The following CRB1 variants were observed in gnomAD, a reference collection of about 807,000 sequenced individuals.
CRB1 encodes crumbs cell polarity complex component 1.
CRB1 carries 83 observed loss-of-function variants against 120.0 expected under a neutral mutation model. That is an observed-to-expected ratio of 0.69 (90% confidence interval 0.58 to 0.83). The LOEUF (loss-of-function observed/expected upper bound fraction) is 0.83, where lower values mean the gene tolerates loss of function less well. Among genes scored for constraint, CRB1 ranks in the 40% least tolerant of loss-of-function variants. The pLI is 0.00. For missense variants in CRB1, 1,699 were observed against 1,687.6 expected (o/e 1.01, Z -0.12); for synonymous variants, 625 against 612.5 (o/e 1.02, Z -0.30).
At chr1:197,385,738 T>C (rs147753531) in intron 5 of CRB1, among the ~76,000 whole-genome samples, 13 of 152,214 alleles carry the variant, frequency 8.5e-5, no homozygotes, top group Non-Finnish European at 1.6e-4. Context: ...GCAGGTATAC[T>C]GAACGCCTCA....
chr1:197,314,440 C>T (rs1020629567), intron 1 of CRB1, among the ~76,000 whole-genome samples: 1 of 151,992 alleles, frequency 6.6e-6, no homozygotes, highest in African/African-American at 2.4e-5. Context: ...TTATTTAAGT[C>T]CTTGAAAAAT....
chr1:197,224,328 C>T, the CRB1 span, among the ~76,000 whole-genome samples: 20 of 152,126 alleles, frequency 1.3e-4, no homozygotes, highest in African/African-American at 4.6e-4. Context: ...TAGACAGAAG[C>T]GACTTTGAAT....
At chr1:197,390,056 G>T (rs1662417213) in intron 5 of CRB1, among the ~76,000 whole-genome samples, 2 of 151,898 alleles carry the variant, frequency 1.3e-5, no homozygotes, top group African/African-American at 4.8e-5. Flanking sequence ...GGAGTGGCAG[G>T]TGGGACTGAG....
chr1:197,468,830 G>T (rs1389069301), intron 11 of CRB1, among the ~76,000 whole-genome samples: 1 of 152,182 alleles, frequency 6.6e-6, no homozygotes, highest in Non-Finnish European at 1.5e-5. Flanking sequence ...CTCTGGAGAG[G>T]CTTTGCAAAG....
At chr1:197,244,661 T>C in the CRB1 span, among the ~76,000 whole-genome samples, 3 of 151,988 alleles carry the variant, frequency 2.0e-5, no homozygotes, top group Non-Finnish European at 4.4e-5. Context: ...ATATTCTGTT[T>C]GGTATTTGTT....
intron 5 of CRB1, among the ~76,000 whole-genome samples, chr1:197,390,055 G>A (rs983554791): frequency 5.3e-5 from 8 of 151,894 alleles, no homozygotes; most frequent in East Asian, 1.9e-4. Flanking sequence ...AGGAGTGGCA[G>A]GTGGGACTGA....
At chr1:197,385,184 C>T (rs1336131973) in intron 5 of CRB1, among the ~76,000 whole-genome samples, 3 of 152,162 alleles carry the variant, frequency 2.0e-5, no homozygotes, top group Admixed American at 1.3e-4. Flanking sequence ...TTGAGACAAA[C>T]CTGCTATTGT....
intron 5 of CRB1, among the ~76,000 whole-genome samples, chr1:197,371,947 T>C (rs1661391508): frequency 6.6e-6 from 1 of 152,110 alleles, no homozygotes; most frequent in South Asian, 2.1e-4. Context: ...AGTAAGAAAC[T>C]GCCAGGACAC....
intron 11 of CRB1, among the ~76,000 whole-genome samples, chr1:197,459,743 A>T (rs1666438386): frequency 6.6e-6 from 1 of 151,360 alleles, no homozygotes; most frequent in South Asian, 2.1e-4. Flanking sequence ...ATCAATAAAA[A>T]CTCCTGAATT....
intron 6 of CRB1, among the ~76,000 whole-genome samples, chr1:197,425,139 C>T (rs765419494): frequency 5.3e-5 from 8 of 152,190 alleles, no homozygotes; most frequent in Non-Finnish European, 7.4e-5. Flanking sequence ...TATCTTCAAA[C>T]CTCAGGGGCT....
intron 5 of CRB1, among the ~76,000 whole-genome samples, chr1:197,399,115 C>T (rs1007057560): frequency 3.3e-5 from 5 of 152,050 alleles, no homozygotes; most frequent in Admixed American, 6.6e-5. Flanking sequence ...ATTCAGATGC[C>T]ATCTACTTGA....
chr1:197,395,138 T>C (rs761496918), intron 5 of CRB1, among the ~76,000 whole-genome samples: 3 of 152,100 alleles, frequency 2.0e-5, no homozygotes, highest in Non-Finnish European at 4.4e-5. Flanking sequence ...TAAATACAGC[T>C]GCTAATGGAT....
At chr1:197,230,342 G>A in the CRB1 span, among the ~76,000 whole-genome samples, 5 of 152,168 alleles carry the variant, frequency 3.3e-5, no homozygotes, top group African/African-American at 7.2e-5. Context: ...GGATCGAAGT[G>A]TAAATTTGTG....
chr1:197,464,940 A>G (rs552813852), intron 11 of CRB1, among the ~76,000 whole-genome samples: 12 of 152,206 alleles, frequency 7.9e-5, no homozygotes, highest in African/African-American at 2.9e-4. Context: ...AGAACTTGTC[A>G]TGCAATTTGT....
At chr1:197,262,430 T>C in the CRB1 span, among the ~76,000 whole-genome samples, 108 of 152,352 alleles carry the variant, frequency 7.1e-4, no homozygotes, top group Non-Finnish European at 1.2e-3. Context: ...ATTTTGATTA[T>C]TGTTCTACTG....
At chr1:197,379,436 A>T (rs1661820974) in intron 5 of CRB1, among the ~76,000 whole-genome samples, 1 of 151,684 alleles carries the variant, frequency 6.6e-6, no homozygotes, top group South Asian at 2.1e-4. Context: ...AGTAGCTGGG[A>T]CTACAGGCTC....
chr1:197,366,555 T>A (rs1005912620), intron 5 of CRB1, among the ~76,000 whole-genome samples: 1 of 152,148 alleles, frequency 6.6e-6, no homozygotes, highest in Admixed American at 6.5e-5. Context: ...TTTTATAATG[T>A]AAAAATGATA....
chr1:197,416,997 G>A (rs959925450), intron 5 of CRB1, among the ~76,000 whole-genome samples: 1 of 152,194 alleles, frequency 6.6e-6, no homozygotes, highest in East Asian at 1.9e-4. Context: ...GTGAGCCACC[G>A]TGCCTGGCCA....
At chr1:197,404,976 T>C (rs987771061) in intron 5 of CRB1, among the ~76,000 whole-genome samples, 2 of 152,184 alleles carry the variant, frequency 1.3e-5, no homozygotes, top group African/African-American at 2.4e-5. Context: ...AGTAAAATAC[T>C]TAGCAAAGTG....
Sources: allele counts gnomAD v4.1 joint callset (sites outside exome capture counted in the v4.1 genomes callset), GRCh38; gene constraint gnomAD v4.1.1; transcripts MANE v1.5; gene names NCBI Gene and HGNC (gene_info 2026-07-23, HGNC 2026-07-21).